Variants in FAM149A observed in about 807,000 individuals in gnomAD.
FAM149A encodes the protein protein FAM149A.
In FAM149A, 71 loss-of-function variants were observed where a neutral mutation model predicts 78.2. That is an observed-to-expected ratio of 0.91 (90% confidence interval 0.75 to 1.11). The LOEUF (loss-of-function observed/expected upper bound fraction) is 1.11. FAM149A is among the 50% of genes least tolerant of loss of function. The pLI is 0.00. For synonymous variants in FAM149A, 446 were observed against 410.5 expected (o/e 1.09, Z -1.04); for missense variants, 1,036 against 971.0 (o/e 1.07, Z -0.89).
intron 1 of FAM149A, among the ~76,000 whole-genome samples, chr4:186,128,945 G>A (rs1043968770): frequency 3.3e-5 from 5 of 151,580 alleles, no homozygotes; most frequent in Non-Finnish European, 5.9e-5. Flanking sequence ...GCATCTCTGT[G>A]TCTATGAGTA....
chr4:186,130,289 C>CTATATATATATATATA (rs1257437565), intron 1 of FAM149A: 1 of 36,906 alleles, frequency 2.7e-5, no homozygotes, highest in Non-Finnish European at 4.6e-5. Context: ...CTCTCTCTCT[C>CTATATATATATATATA]TCTCTATATA....
chr4:186,143,982 T>TA (rs1319325761), intron 1 of FAM149A: 1 of 152,172 alleles, frequency 6.6e-6, no homozygotes, highest in Non-Finnish European at 1.5e-5. Flanking sequence ...TGTTGAAACT[T>TA]AGATGGCCTC....
Position 186,164,096 on chromosome 4 carries a change from G to A in FAM149A, c.1889+463G>A, listed in dbSNP as rs62350492. Among the ~76,000 whole-genome samples, 823 of 152,258 alleles carry A rather than the reference G, an allele frequency of 5.4e-3. 5 individuals are homozygous for A. The highest frequency in any genetic ancestry group is 7.8e-3 in the Non-Finnish European group (532 of 68,008). ...CTGTTGATTGCAGGATTCACATCCCGTCATGGCCTCGTTAGAAAGGTGCCT... is the reference window on the plus strand; with the variant it reads ...CTGTTGATTGCAGGATTCACATCCCATCATGGCCTCGTTAGAAAGGTGCCT... On this transcript the variant is annotated intron_variant, in intron 10 of 13. Coordinates refer to ENST00000389354, the MANE Select transcript of FAM149A (RefSeq NM_001367768.3). This position sits in a 1 kb window ranked among gnomAD's most constrained non-coding sequence, Gnocchi z 4.0.
chr4:186,165,378 G>C lies in FAM149A; in HGVS notation c.1924G>C (p.Val642Leu). The C allele has an allele frequency of 1.9e-6, 3 of 1,614,194 alleles. No homozygotes were observed. Among genetic ancestry groups the C allele is most frequent in the Non-Finnish European group, 2.5e-6 (3 of 1,180,022 alleles). The stretch of plus-strand genomic sequence containing the variant: ...CGTGGACCACATGGCTTCCCCACTG[G>C]TTCAAACGTCACGGAGCAGGTTCCC... Residue 642 changes from valine to leucine, a missense_variant, in exon 11 of 14, where the codon GTT becomes CTT. Physicochemically the swap from Val to Leu is conservative, Grantham distance 32. Around this residue, in one of 3 missense-constraint regions of FAM149A, gnomAD observed 716 missense variants for 711.8 expected, o/e 1.01. Transcript: ENST00000389354.
intron 1 of FAM149A, chr4:186,118,004 G>A: frequency 1.0e-6 from 1 of 985,402 alleles, no homozygotes; most frequent in Non-Finnish European, 1.2e-6. Context: ...TGCAGATGAG[G>A]AGTTCACTCT....
intron 1 of FAM149A, among the ~76,000 whole-genome samples, chr4:186,148,204 G>A (rs924084144): frequency 3.3e-5 from 5 of 152,216 alleles, no homozygotes; most frequent in African/African-American, 1.2e-4. Context: ...GCAGGCGCCT[G>A]TAATCCCAGC....
rs150283633 is a variant in FAM149A at position 186,157,399 on chromosome 4, C to T, written c.1421-166C>T. On this transcript the variant is annotated intron_variant, in intron 7 of 13. Transcript: ENST00000389354. ...AGCCCTGCAACCACAGTTCCAGCAG[C>T]CAGTTGCTCCACAGGGGTCTCTGCC... is the stretch of plus-strand genomic sequence containing the variant. 6.5e-3 allele frequency among the ~76,000 whole-genome samples: 985 copies of T among 152,278 alleles called. 17 individuals carry two copies. Among genetic ancestry groups the T allele is most frequent in the African/African-American group, 0.022 (920 of 41,528 alleles).
In FAM149A at chr4:186,155,044, A is replaced by G. The variant is rs530392565; in HGVS notation, c.1229+406A>G. 69 of 586,704 alleles carry G rather than the reference A, an allele frequency of 1.2e-4. 1 individual carries two copies. The highest frequency in any genetic ancestry group is 1.7e-3 in the Middle Eastern group (2 of 1,210). 36.3% of individuals were successfully genotyped at this position (586,704 alleles called of 1,614,324 possible). On this transcript the variant is annotated intron_variant, in intron 6 of 13. Transcript: ENST00000389354. ...GCCGTGCGAGCTCGGCTGACTGCAA[A>G]CTCCGCCTCCCGGGTTCACGCCATT... is the stretch of plus-strand genomic sequence containing the variant.
chr4:186,172,161 G>C lies in FAM149A; in HGVS notation c.*174G>C. ...TCTTGAACACTTTGCACTGTAAAGAGAGTGAAAGTCAAACCCACCAAGCTG... is the reference window on the plus strand; with the variant it reads ...TCTTGAACACTTTGCACTGTAAAGACAGTGAAAGTCAAACCCACCAAGCTG... On this transcript the variant is annotated 3_prime_UTR_variant, in exon 14 of 14. Transcript: ENST00000389354. The C allele has an allele frequency of 9.6e-7, 1 of 1,042,800 alleles. No individual in the cohort carries two copies. The highest frequency in any genetic ancestry group is 1.3e-6 in the Non-Finnish European group (1 of 776,866). 64.6% of individuals were successfully genotyped at this position (1,042,800 alleles called of 1,614,324 possible). A position where few individuals can be genotyped will look rare whatever the true frequency, so the allele number is the denominator to read the frequency against.
chr4:186,129,143 CTG>C (rs909150520), intron 1 of FAM149A, among the ~76,000 whole-genome samples: 79 of 107,044 alleles, frequency 7.4e-4, no homozygotes, highest in African/African-American at 2.3e-3. Context: ...CTCTGTGTGT[CTG>C]TGTGTGTCTG....
intron 1 of FAM149A, chr4:186,109,407 G>A: frequency 1.1e-6 from 1 of 884,590 alleles, no homozygotes; most frequent in Non-Finnish European, 1.4e-6. Flanking sequence ...ATGGCTGGCA[G>A]TAAAGTGACT....
chr4:186,127,987 C>CTTTTTTTTTTTTT, intron 1 of FAM149A, among the ~76,000 whole-genome samples: 2 of 62,390 alleles, frequency 3.2e-5, no homozygotes, highest in Non-Finnish European at 5.4e-5. Context: ...CATGCCCGGC[C>CTTTTTTTTTTTTT]TTTTTTTTTT....
At chr4:186,145,185 C>A in intron 1 of FAM149A, 2 of 977,988 alleles carry the variant, frequency 2.0e-6, no homozygotes, top group Non-Finnish European at 2.4e-6. Flanking sequence ...TCTCCGCCCG[C>A]GGGCCGGCTG....
intron 1 of FAM149A, among the ~76,000 whole-genome samples, chr4:186,138,630 GTT>G (rs2099324520): frequency 2.0e-5 from 3 of 152,186 alleles, no homozygotes; most frequent in Non-Finnish European, 2.9e-5. Flanking sequence ...GATCACGACA[GTT>G]TAGGGGAGTA....
At chr4:186,115,410 C>G (rs1217881392) in intron 1 of FAM149A, among the ~76,000 whole-genome samples, 1 of 149,342 alleles carries the variant, frequency 6.7e-6, no homozygotes. Flanking sequence ...AAGTCATTCT[C>G]CATCCAGCTT....
At chr4:186,145,539 A>T (rs1732971672) in intron 1 of FAM149A, among the ~76,000 whole-genome samples, 1 of 152,226 alleles carries the variant, frequency 6.6e-6, no homozygotes, top group Non-Finnish European at 1.5e-5. Context: ...AGTGTGGCAG[A>T]GGTTTGTGGG....
intron 1 of FAM149A, chr4:186,117,740 G>A: frequency 3.4e-6 from 3 of 893,658 alleles, no homozygotes; most frequent in Non-Finnish European, 4.0e-6. Flanking sequence ...GAAGTGGCAG[G>A]AGCAGGCTGC....
chr4:186,166,088 G>A (rs1350654992), intron 11 of FAM149A, among the ~76,000 whole-genome samples: 1 of 152,200 alleles, frequency 6.6e-6, no homozygotes, highest in Non-Finnish European at 1.5e-5. Context: ...TCTGCGGGGG[G>A]TGTGCTGTGG....
At chr4:186,117,308 C>A (rs1397497469) in intron 1 of FAM149A, among the ~76,000 whole-genome samples, 1 of 152,090 alleles carries the variant, frequency 6.6e-6, no homozygotes, top group East Asian at 1.9e-4. Context: ...TAATGAATAT[C>A]TATTCCATCT....
Sources: allele counts gnomAD v4.1 joint callset (sites outside exome capture counted in the v4.1 genomes callset), GRCh38; gene constraint gnomAD v4.1.1; regional missense constraint gnomAD v4.1.1; non-coding constraint Gnocchi (gnomAD v3.1); transcripts MANE v1.5; gene names NCBI Gene and HGNC (gene_info 2026-07-23, HGNC 2026-07-21).